The following MGST1 variants were observed in gnomAD, a reference collection of about 807,000 sequenced individuals.
MGST1 encodes the protein glutathione S-transferase 12.
Under a neutral mutation model 8.9 loss-of-function variants are expected in MGST1, and 5 were observed. That is an observed-to-expected ratio of 0.56 (90% CI 0.29 to 1.19). The LOEUF is 1.19. Among genes scored for constraint, MGST1 ranks in the 50% most tolerant of loss-of-function variants. The pLI is 0.08. For synonymous variants in MGST1, 54 were observed against 67.8 expected (o/e 0.80, Z 1.00); for missense variants, 182 against 187.4 (o/e 0.97, Z 0.17).
At chr12:16,525,260 G>A (rs1941676888) in intron 4 of MGST1, among the ~76,000 whole-genome samples, 1 of 148,098 alleles carries the variant, frequency 6.8e-6, no homozygotes, top group Non-Finnish European at 1.5e-5. Context: ...TCGTCATCTA[G>A]CATTAGGTAT....
chr12:16,382,414 G>T (rs1370492652), upstream of MGST1, among the ~76,000 whole-genome samples: 1 of 152,222 alleles, frequency 6.6e-6, no homozygotes, highest in Admixed American at 6.5e-5. Flanking sequence ...TCCAGACCCT[G>T]TTTGCCTGGG....
rs1942368453 is a variant in MGST1 at position 16,560,649 on chromosome 12, T to C, written n.483-28879T>C. ...TAAAGCTACAATACACAATGCTTTA[T>C]GATGTACACAAGTGGATTTTATCCT... On this transcript the variant is annotated intron_variant and non_coding_transcript_variant, in intron 4 of 4. Transcript: ENST00000538857. The surrounding 1 kb of genome is among the most constrained non-coding windows in gnomAD (Gnocchi z 5.0). 1.1e-6 allele frequency: 1 copy of C among 944,312 alleles called. No homozygotes were observed. Among genetic ancestry groups the C allele is most frequent in the South Asian group, 1.7e-5 (1 of 59,774 alleles). 58.5% of individuals were successfully genotyped at this position (944,312 alleles called of 1,614,324 possible). A position where few individuals can be genotyped will look rare whatever the true frequency, so the allele number is the denominator to read the frequency against.
intron 1 of MGST1, among the ~76,000 whole-genome samples, chr12:16,392,909 G>A (rs75731781): frequency 4.0e-4 from 61 of 152,114 alleles, no homozygotes; most frequent in Admixed American, 1.0e-3. Flanking sequence ...GAGGGACCTA[G>A]AGAGATAGTA....
At chr12:16,575,960 G>A (rs1942982358) in intron 4 of MGST1, among the ~76,000 whole-genome samples, 1 of 152,072 alleles carries the variant, frequency 6.6e-6, no homozygotes, top group Non-Finnish European at 1.5e-5. Context: ...AGTCCCTCGA[G>A]CCACAGGTCT....
rs137905258 is a variant in MGST1, at chr12:16,551,697, C to A, written n.483-37831C>A. Among the ~76,000 whole-genome samples the A allele has an allele frequency of 5.3e-5, 8 of 151,508 alleles. No individual in the cohort carries two copies. The East Asian group carries it at 9.7e-4, about 18-fold the overall frequency. ...AAAGAATGATAATAATGTTTCACTG[C>A]AGTAATTATGGATGATTTCATCTCT... is the stretch of plus-strand genomic sequence containing the variant. On this transcript the variant is annotated intron_variant and non_coding_transcript_variant, in intron 4 of 4. Coordinates refer to the MGST1 transcript ENST00000538857.
At position 16,497,293 on chromosome 12, in the gene MGST1, C is replaced by T. The variant is rs1175763662; in HGVS notation, n.483-92235C>T. 1.3e-5 allele frequency among the ~76,000 whole-genome samples: 2 copies of T among 152,060 alleles called. No individual in the cohort carries two copies. Among genetic ancestry groups the T allele is most frequent in the African/African-American group, 4.8e-5 (2 of 41,402 alleles). ...CAGGCATTGAGAGAAACAGAAGACT[C>T]ATGGAACAAATAATAGTTCTTTTTA... is the stretch of plus-strand genomic sequence containing the variant. On this transcript the variant is annotated intron_variant and non_coding_transcript_variant, in intron 4 of 4. Transcript: ENST00000538857. The surrounding 1 kb of genome is among the most constrained non-coding windows in gnomAD (Gnocchi z 4.4).
intron 1 of MGST1, among the ~76,000 whole-genome samples, chr12:16,352,281 A>G (rs975684371): frequency 2.6e-5 from 4 of 152,256 alleles, no homozygotes; most frequent in Non-Finnish European, 5.9e-5. Flanking sequence ...CCAGCAACAC[A>G]AAGATGGCTA....
At chr12:16,348,164 A>G (rs1939285295) in intron 1 of MGST1, among the ~76,000 whole-genome samples, 2 of 152,368 alleles carry the variant, frequency 1.3e-5, no homozygotes, top group Middle Eastern at 6.8e-3. Flanking sequence ...ATTGTAAGGC[A>G]GGATTTGCTC....
intron 4 of MGST1, among the ~76,000 whole-genome samples, chr12:16,457,978 C>T (rs1191223049): frequency 3.3e-5 from 5 of 151,934 alleles, no homozygotes; most frequent in East Asian, 1.9e-4. Flanking sequence ...ATTTGCACTA[C>T]CCAATATCAC....
chr12:16,452,679 C>G (rs1591733028), intron 4 of MGST1, among the ~76,000 whole-genome samples: 1 of 151,842 alleles, frequency 6.6e-6, no homozygotes, highest in East Asian at 1.9e-4. Flanking sequence ...GATACCCAGT[C>G]TAGTTTAACT....
chr12:16,580,364 C>A (rs1313927884), intron 4 of MGST1, among the ~76,000 whole-genome samples: 3 of 152,140 alleles, frequency 2.0e-5, no homozygotes, highest in Non-Finnish European at 4.4e-5. Flanking sequence ...ATGCAACCAA[C>A]CAAATGAAGT....
intron 4 of MGST1, among the ~76,000 whole-genome samples, chr12:16,558,773 G>C (rs140581013): frequency 6.6e-6 from 1 of 152,264 alleles, no homozygotes; most frequent in African/African-American, 2.4e-5. Flanking sequence ...TGCCTTGTGG[G>C]AAAGTCAAGT....
At chr12:16,565,806 A>T (rs1013978822) in intron 4 of MGST1, among the ~76,000 whole-genome samples, 5 of 151,222 alleles carry the variant, frequency 3.3e-5, no homozygotes, top group Admixed American at 3.3e-4. Flanking sequence ...AAAATTAAAA[A>T]CAGAACTACC....
intron 4 of MGST1, among the ~76,000 whole-genome samples, chr12:16,568,674 A>C (rs533366622): frequency 6.6e-6 from 1 of 152,358 alleles, no homozygotes; most frequent in Non-Finnish European, 1.5e-5. Flanking sequence ...CATTGCATTA[A>C]ATACGTTGTT....
At chr12:16,470,869 A>T (rs1166171111) in intron 4 of MGST1, among the ~76,000 whole-genome samples, 1 of 152,196 alleles carries the variant, frequency 6.6e-6, no homozygotes, top group Non-Finnish European at 1.5e-5. Context: ...ATAGTTTTTG[A>T]GATCATTTAA....
At chr12:16,349,351 C>T (rs892128574) in intron 1 of MGST1, among the ~76,000 whole-genome samples, 14 of 151,898 alleles carry the variant, frequency 9.2e-5, no homozygotes, top group African/African-American at 3.1e-4. Flanking sequence ...AGATTCTTCT[C>T]TGCTAGATAG....
intron 1 of MGST1, among the ~76,000 whole-genome samples, chr12:16,433,987 G>T (rs1023261183): frequency 6.6e-6 from 1 of 152,000 alleles, no homozygotes; most frequent in Non-Finnish European, 1.5e-5. Flanking sequence ...GTGTATTGGA[G>T]AAAATTGCTT....
At chr12:16,568,236 G>C (rs1942687804) in intron 4 of MGST1, among the ~76,000 whole-genome samples, 1 of 152,112 alleles carries the variant, frequency 6.6e-6, no homozygotes, top group Non-Finnish European at 1.5e-5. Flanking sequence ...CAAGCTCTGT[G>C]AATAATCTGT....
chr12:16,371,859 T>C (rs552443690), intron 3 of MGST1, among the ~76,000 whole-genome samples: 1 of 152,184 alleles, frequency 6.6e-6, no homozygotes, highest in African/African-American at 2.4e-5. Flanking sequence ...TGGGACAGAA[T>C]AGAGAACCCA....
Sources: allele counts gnomAD v4.1 joint callset (sites outside exome capture counted in the v4.1 genomes callset), GRCh38; gene constraint gnomAD v4.1.1; non-coding constraint Gnocchi (gnomAD v3.1); transcripts MANE v1.5; gene names NCBI Gene and HGNC (gene_info 2026-07-23, HGNC 2026-07-21).